The following KIF21B variants were observed in gnomAD, a reference collection of about 807,000 sequenced individuals.
KIF21B encodes the protein kinesin-like protein KIF21B.
KIF21B carries 85 observed loss-of-function variants against 192.9 expected under a neutral mutation model. The ratio of observed to expected loss-of-function variants is 0.44; its 90% CI spans 0.37 to 0.53. The LOEUF (loss-of-function observed/expected upper bound fraction) is 0.53. KIF21B is among the 20% of genes least tolerant of loss of function. KIF21B has a pLI of 0.00. For synonymous variants in KIF21B, 832 were observed against 884.6 expected (o/e 0.94, Z 1.05); for missense variants, 1,716 against 2,194.8 (o/e 0.78, Z 4.36).
In KIF21B at chr1:200,975,715, A is replaced by G; in HGVS notation, c.4444-46T>C. 3.9e-6 allele frequency: 6 copies of G among 1,548,364 alleles called. No individual in the cohort carries two copies. The highest frequency in any genetic ancestry group is 2.3e-5 in the East Asian group (1 of 43,758). ...AGGGAGAGGCCAAGTGGGAGGATGGAAGGCAGGGCCTACAGCACTGTGGAC... is the reference window on the plus strand; with the variant it reads ...AGGGAGAGGCCAAGTGGGAGGATGGGAGGCAGGGCCTACAGCACTGTGGAC... On this transcript the variant is annotated intron_variant, in intron 32 of 34. Transcript: ENST00000461742. This position sits in a 1 kb window ranked among gnomAD's most constrained non-coding sequence, Gnocchi z 4.3.
intron 26 of KIF21B, among the ~76,000 whole-genome samples, chr1:200,986,126 C>T (rs2102400744): frequency 6.6e-6 from 1 of 151,652 alleles, no homozygotes; most frequent in East Asian, 2.0e-4. Context: ...GGATTACTGG[C>T]GCCCGGCCTT....
In KIF21B at chr1:201,004,497, G is replaced by A. The variant is rs540551741; in HGVS notation, c.901-42C>T. 4 of 1,496,190 alleles carry A rather than the reference G, an allele frequency of 2.7e-6. No individual in the cohort carries two copies. In the South Asian group the frequency reaches 3.6e-5, roughly 14 times the overall value. 92.7% of individuals were successfully genotyped at this position (1,496,190 alleles called of 1,614,324 possible). A position where few individuals can be genotyped will look rare whatever the true frequency, so the allele number is the denominator to read the frequency against. On this transcript the variant is annotated intron_variant, in intron 6 of 34. Coordinates refer to ENST00000461742, the MANE Select transcript of KIF21B (RefSeq NM_001252102.2). ...CTGGCACTCAGCAGTCACTCAGGGA[G>A]CGAAGGGTAGGGAGGGACAAGAAAA...
chr1:201,001,960 C>T, intron 9 of KIF21B: 1 of 593,602 alleles, frequency 1.7e-6, no homozygotes, highest in Non-Finnish European at 3.0e-6. Flanking sequence ...GTATTGTTTG[C>T]ATGTTGAACA....
chr1:201,013,789 C>T (rs965121355), intron 1 of KIF21B, among the ~76,000 whole-genome samples: 11 of 152,222 alleles, frequency 7.2e-5, no homozygotes, highest in Non-Finnish European at 1.5e-5. Flanking sequence ...TAAATTACAA[C>T]TTAGTGCAAT....
At chr1:201,020,184 T>C (rs1029991924) in intron 1 of KIF21B, among the ~76,000 whole-genome samples, 1 of 152,020 alleles carries the variant, frequency 6.6e-6, no homozygotes, top group Non-Finnish European at 1.5e-5. Context: ...AACACTGAGG[T>C]CTCCCCTCAT....
chr1:200,992,436 G>A lies in KIF21B; in HGVS notation c.2278-47C>T. On this transcript the variant is annotated intron_variant, in intron 15 of 34. Transcript: ENST00000461742. The stretch of plus-strand genomic sequence containing the variant: ...GTGGTGAGACAGGGCTGGGAGGCAG[G>A]TGGCCCACACTCTCCAGGGAGGGGC... 4 of 1,590,738 alleles carry A rather than the reference G, an allele frequency of 2.5e-6. No homozygotes were observed. In the South Asian group the frequency reaches 3.3e-5, roughly 13 times the overall value.
At chr1:201,011,959 G>C (rs980523888) in intron 1 of KIF21B, among the ~76,000 whole-genome samples, 8 of 152,366 alleles carry the variant, frequency 5.3e-5, no homozygotes, top group African/African-American at 1.9e-4. Context: ...TTCAATGAGA[G>C]GGGCAGCTTC....
chr1:201,000,100 A>T lies in KIF21B; in HGVS notation c.1686-136T>A. The T allele has an allele frequency of 1.3e-6, 1 of 798,210 alleles. No homozygotes were observed. The highest frequency in any genetic ancestry group is 1.5e-5 in the South Asian group (1 of 65,554). The allele number at this position is 798,210 out of a possible 1,614,324, so 49.4% of individuals were successfully genotyped here. ...GAGCACTGGCTCCTACTCTGCAGAG[A>T]ACCCCACTGCTCTTCCCTAGGGCCA... is the stretch of plus-strand genomic sequence containing the variant. On this transcript the variant is annotated intron_variant, in intron 11 of 34. Coordinates refer to ENST00000461742, the MANE Select transcript of KIF21B (RefSeq NM_001252102.2). The surrounding 1 kb of genome is among the most constrained non-coding windows in gnomAD (Gnocchi z 6.0).
chr1:200,979,765 A>AG, intron 29 of KIF21B, 50 bp from the exon 30 acceptor site: 2 of 1,450,994 alleles, frequency 1.4e-6, no homozygotes, highest in Non-Finnish European at 1.8e-6. Context: ...GTCAGCCACT[A>AG]GGGGGCGCAG....
In KIF21B at chr1:200,983,038, G is replaced by A; in HGVS notation, c.3842+18C>T. ...AGTGAGAGTGGGGAACCAAACACGA[G>A]AGACATTCTGTGTGTACCTCAGGAC... is the stretch of plus-strand genomic sequence containing the variant. On this transcript the variant is annotated intron_variant, in intron 28 of 34. Transcript: ENST00000461742. 6.5e-7 allele frequency: 1 copy of A among 1,535,466 alleles called. No homozygotes were observed. Among genetic ancestry groups the A allele is most frequent in the Non-Finnish European group, 8.7e-7 (1 of 1,146,298 alleles).
rs35077751 is a variant in KIF21B at position 200,982,575 on chromosome 1, TCC to T, written c.3842+479_3842+480del. ...AGGGGCGCTGCCCCCATGGTGCCCC[TCC>T]CCCCATGGTGCCCCTCCCAGAGCCA... is the stretch of plus-strand genomic sequence containing the variant. On this transcript the variant is annotated intron_variant, in intron 28 of 34. Transcript: ENST00000461742. The surrounding 1 kb of genome is among the most constrained non-coding windows in gnomAD (Gnocchi z 4.7). Among the ~76,000 whole-genome samples, 5 of 151,448 alleles carry T rather than the reference TCC, an allele frequency of 3.3e-5. No individual in the cohort carries two copies. Among genetic ancestry groups the T allele is most frequent in the South Asian group, 4.2e-4 (2 of 4,784 alleles).
intron 17 of KIF21B, 77 bp from the exon 18 acceptor site, chr1:200,991,226 G>T: frequency 8.4e-7 from 1 of 1,195,388 alleles, no homozygotes; most frequent in Admixed American, 2.0e-5. Flanking sequence ...AGGTTGGGGT[G>T]CCGGGCAGCA....
rs1658070038 is a variant in KIF21B at position 201,008,891 on chromosome 1, C to T, written c.325G>A (p.Glu109Lys). 1.9e-6 allele frequency: 3 copies of T among 1,611,750 alleles called. No individual in the cohort carries two copies. Among genetic ancestry groups the T allele is most frequent in the Admixed American group, 1.7e-5 (1 of 60,004 alleles). The change falls in exon 3 of 35, where the codon GAG becomes AAG. Residue 109 changes from glutamate (E) to lysine (K), a missense_variant. Around this residue, in one of 3 missense-constraint regions of KIF21B, gnomAD observed 1,087 missense variants for 1,316.6 expected, o/e 0.83. Coordinates refer to ENST00000461742, the MANE Select transcript of KIF21B (RefSeq NM_001252102.2). ...ATGGCCCTCGGGATGATGCCCTGCTCCTCCTCCGACGTTGCCATGTCAAAG... is the reference window on the plus strand; with the variant it reads ...ATGGCCCTCGGGATGATGCCCTGCTTCTCCTCCGACGTTGCCATGTCAAAG... ...TGFDMATSEE[E>K]QGIIPRAIAH...
At chr1:200,992,702 C>G (rs1457249149) in intron 15 of KIF21B, among the ~76,000 whole-genome samples, 4 of 152,244 alleles carry the variant, frequency 2.6e-5, no homozygotes, top group Non-Finnish European at 2.9e-5. Context: ...TCACCCACAG[C>G]CACTGTCCTG....
intron 15 of KIF21B, among the ~76,000 whole-genome samples, chr1:200,995,795 G>A (rs570782698): frequency 5.3e-5 from 8 of 152,182 alleles, no homozygotes; most frequent in Admixed American, 3.3e-4. Context: ...ATGTTCAAAC[G>A]ATGGTAACTG....
chr1:200,991,514 C>T, intron 17 of KIF21B, 143 bp downstream of exon 17: 1 of 822,706 alleles, frequency 1.2e-6, no homozygotes. Flanking sequence ...CCCCTCCCTG[C>T]CGGCTCTGGC....
intron 5 of KIF21B, 77 bp from the exon 6 acceptor site, chr1:201,005,010 G>C (rs543476348): frequency 1.3e-6 from 2 of 1,498,414 alleles, no homozygotes; most frequent in Non-Finnish European, 9.1e-7. Context: ...ACTGCCATCC[G>C]GGAGAGGCAC....
chr1:201,007,385 CACAG>C (rs1657940209), intron 3 of KIF21B, among the ~76,000 whole-genome samples: 1 of 137,526 alleles, frequency 7.3e-6, no homozygotes, highest in South Asian at 2.3e-4. Context: ...GACAGAGACA[CACAG>C]ACACACACAC....
chr1:201,004,561 G>A, intron 6 of KIF21B, 106 bp from the exon 7 acceptor site: 1 of 1,164,760 alleles, frequency 8.6e-7, no homozygotes, highest in Non-Finnish European at 1.2e-6. Context: ...GGCCCCAGCA[G>A]CCCTCTTGCT....
Sources: gnomAD v4.1 joint callset for allele counts (sites outside exome capture counted in the v4.1 genomes callset) on GRCh38, gnomAD v4.1.1 for gene constraint, gnomAD v4.1.1 regional missense constraint, Gnocchi (gnomAD v3.1) non-coding constraint, MANE v1.5 for transcripts, NCBI Gene and HGNC (gene_info 2026-07-23, HGNC 2026-07-21) for gene names.